The following HTR2A variants were observed in gnomAD, a reference collection of about 807,000 sequenced individuals.
The protein encoded by HTR2A is 5-HT2 receptor.
In HTR2A, 14 loss-of-function variants were observed where a neutral mutation model predicts 31.0. The ratio of observed to expected loss-of-function variants is 0.45; its 90% confidence interval spans 0.30 to 0.71. The LOEUF (loss-of-function observed/expected upper bound fraction) is 0.71. Ranked by LOEUF, HTR2A falls within the 30% of genes least tolerant of loss-of-function variation. HTR2A has a pLI of 0.09. For synonymous variants in HTR2A, 209 were observed against 225.2 expected (o/e 0.93, Z 0.64); for missense variants, 442 against 573.3 (o/e 0.77, Z 2.34).
Position 46,896,119 on chromosome 13 carries a change from G to C in HTR2A, c.-213C>G. The C allele has an allele frequency of 7.7e-7, 1 of 1,303,568 alleles. No homozygotes were observed. The allele number at this position is 1,303,568 out of a possible 1,614,324, so 80.8% of individuals were successfully genotyped here. ...AAGTTTTCTTCATTCACAATTTTAG[G>C]AGAGTCCACTGTTTGGTTTTATTAT... On this transcript the variant is annotated 5_prime_UTR_variant, in exon 2 of 4. Coordinates refer to ENST00000542664, the MANE Select transcript of HTR2A (RefSeq NM_000621.5).
intron 3 of HTR2A, among the ~76,000 whole-genome samples, chr13:46,892,049 A>G (rs752516455): frequency 2.0e-5 from 3 of 152,228 alleles, no homozygotes; most frequent in Non-Finnish European, 4.4e-5. Flanking sequence ...TCATAAGTTC[A>G]GTGATTATAA....
intron 3 of HTR2A, among the ~76,000 whole-genome samples, 161 bp downstream of exon 3, chr13:46,892,229 T>C (rs1206317807): frequency 6.6e-6 from 1 of 152,236 alleles, no homozygotes; most frequent in Non-Finnish European, 1.5e-5. Context: ...GATTTTTCTT[T>C]CCTGAAGCGA....
At chr13:46,836,246 T>G (rs1255427475) in intron 3 of HTR2A, among the ~76,000 whole-genome samples, 1 of 151,920 alleles carries the variant, frequency 6.6e-6, no homozygotes, top group East Asian at 1.9e-4. Flanking sequence ...AACTATAAAA[T>G]TTTAAATATA....
chr13:46,839,333 A>G (rs1353900019), intron 3 of HTR2A, among the ~76,000 whole-genome samples: 2 of 152,154 alleles, frequency 1.3e-5, no homozygotes, highest in East Asian at 1.9e-4. Flanking sequence ...TTAAAGTAAT[A>G]CTCTATAAAG....
At chr13:46,874,548 C>T (rs778195307) in intron 3 of HTR2A, among the ~76,000 whole-genome samples, 19 of 152,168 alleles carry the variant, frequency 1.2e-4, no homozygotes, top group Admixed American at 8.5e-4. Context: ...AAGTCAGGAA[C>T]ACTGATGCAT....
intron 3 of HTR2A, among the ~76,000 whole-genome samples, chr13:46,881,455 T>A (rs1316271758): frequency 6.6e-6 from 1 of 152,156 alleles, no homozygotes; most frequent in Admixed American, 6.5e-5. Flanking sequence ...TCTCTGGACC[T>A]CTGGGGAGGG....
chr13:46,896,617 A>T (rs2138261268), intron 1 of HTR2A, 57 bp downstream of exon 1: 1 of 1,313,776 alleles, frequency 7.6e-7, no homozygotes, highest in East Asian at 2.6e-5. Flanking sequence ...GCCAAGCATG[A>T]TTTCAAACCG....
Position 46,834,722 on chromosome 13 carries a change from T to A in HTR2A, c.*115A>T, listed in dbSNP as rs1167782898. On this transcript the variant is annotated 3_prime_UTR_variant, in exon 4 of 4. Transcript: ENST00000542664. ...CAGAATAAAATGAGGCATACAGATA[T>A]GATCGTTGGTTCCACTAGACTTGTC... 18 of 740,420 alleles carry A rather than the reference T, an allele frequency of 2.4e-5. No individual in the cohort carries two copies. Among genetic ancestry groups the A allele is most frequent in the Non-Finnish European group, 4.0e-5 (18 of 453,698 alleles). 45.9% of individuals were successfully genotyped at this position (740,420 alleles called of 1,614,324 possible).
chr13:46,834,731 G>C lies in HTR2A; in HGVS notation c.*106C>G. 1 of 823,622 alleles carries C rather than the reference G, an allele frequency of 1.2e-6. No individual in the cohort carries two copies. Among genetic ancestry groups the C allele is most frequent in the South Asian group, 1.8e-5 (1 of 55,980 alleles). 51.0% of individuals were successfully genotyped at this position (823,622 alleles called of 1,614,324 possible). On this transcript the variant is annotated 3_prime_UTR_variant, in exon 4 of 4. Transcript: ENST00000542664. ...ATGAGGCATACAGATATGATCGTTGGTTCCACTAGACTTGTCTAATTTTTT... is the reference window on the plus strand; with the variant it reads ...ATGAGGCATACAGATATGATCGTTGCTTCCACTAGACTTGTCTAATTTTTT...
intron 3 of HTR2A, among the ~76,000 whole-genome samples, chr13:46,872,007 G>A (rs1040439747): frequency 2.6e-5 from 4 of 152,044 alleles, no homozygotes; most frequent in Admixed American, 1.3e-4. Flanking sequence ...TTTAAATTCC[G>A]ACAAATATCT....
intron 3 of HTR2A, among the ~76,000 whole-genome samples, chr13:46,844,283 T>C (rs1361228580): frequency 6.6e-6 from 1 of 152,080 alleles, no homozygotes; most frequent in Admixed American, 6.5e-5. Context: ...GAGAGGAAAA[T>C]AAAAGAGAGA....
intron 3 of HTR2A, chr13:46,856,191 T>A (rs1950735953): frequency 6.6e-6 from 1 of 152,218 alleles, no homozygotes; most frequent in Non-Finnish European, 1.5e-5. Flanking sequence ...CAATTTAAAT[T>A]TCTAAAAATT....
intron 3 of HTR2A, among the ~76,000 whole-genome samples, chr13:46,889,461 A>C (rs531588361): frequency 1.6e-4 from 24 of 152,336 alleles, no homozygotes; most frequent in African/African-American, 5.8e-4. Flanking sequence ...AAAGACTTCA[A>C]GACTTAGGGA....
chr13:46,835,036 A>G lies in HTR2A; in HGVS notation c.1217T>C (p.Leu406Ser). 6.2e-7 allele frequency: 1 copy of G among 1,614,174 alleles called. No individual in the cohort carries two copies. The highest frequency in any genetic ancestry group is 1.3e-5 in the African/African-American group (1 of 75,050). Residue 406 changes from leucine (L) to serine (S), a missense_variant, in exon 4 of 4, where the codon TTG becomes TCG. Physicochemically the swap from Leu to Ser is moderately radical, Grantham distance 145. Around this residue, in one of 5 missense-constraint regions of HTR2A, gnomAD observed 88 missense variants for 83.1 expected, o/e 1.06. Coordinates refer to ENST00000542664, the MANE Select transcript of HTR2A (RefSeq NM_000621.5). ...TATTGTGTTCACTAAAATTAACTGC[A>G]ATGGTTTTTTGTTTTCCTTGTACTG... ...QCQYKENKKP[L>S]QLILVNTIPA...
chr13:46,858,542 A>C (rs1346203508), intron 3 of HTR2A, among the ~76,000 whole-genome samples: 1 of 152,236 alleles, frequency 6.6e-6, no homozygotes, highest in African/African-American at 2.4e-5. Context: ...TATTTTAGAC[A>C]GGCGAGAAAC....
At chr13:46,866,891 G>A (rs576570218) in intron 3 of HTR2A, among the ~76,000 whole-genome samples, 1 of 152,278 alleles carries the variant, frequency 6.6e-6, no homozygotes, top group Admixed American at 6.5e-5. Flanking sequence ...GCTGGGTGTG[G>A]TGGTGGGCGC....
chr13:46,896,033 G>T lies in HTR2A; in HGVS notation c.-127C>A. ...GCTGGTGTACATGCTGTTCTCCCGGGGCTGGATTTTTGTCTTCCATTATTA... is the reference window on the plus strand; with the variant it reads ...GCTGGTGTACATGCTGTTCTCCCGGTGCTGGATTTTTGTCTTCCATTATTA... On this transcript the variant is annotated 5_prime_UTR_variant, in exon 2 of 4. Coordinates refer to ENST00000542664, the MANE Select transcript of HTR2A (RefSeq NM_000621.5). 1 of 1,423,800 alleles carries T rather than the reference G, an allele frequency of 7.0e-7. No individual in the cohort carries two copies. The highest frequency in any genetic ancestry group is 9.1e-7 in the Non-Finnish European group (1 of 1,096,446). 88.2% of individuals were successfully genotyped at this position (1,423,800 alleles called of 1,614,324 possible).
chr13:46,835,187 C>T lies in HTR2A; in HGVS notation c.1066G>A (p.Asp356Asn). 1 of 1,614,020 alleles carries T rather than the reference C, an allele frequency of 6.2e-7. No individual in the cohort carries two copies. Among genetic ancestry groups the T allele is most frequent in the Non-Finnish European group, 8.5e-7 (1 of 1,179,936 alleles). ...AVICKESCNE[D>N]VIGALLNVFV... is the part of the protein sequence containing the mutation. ...ACATTGAGCAGGGCCCCAATGACAT[C>T]CTCATTGCAGGACTCTTTGCAGATG... The change falls in exon 4 of 4, where the codon GAT becomes AAT. Residue 356 changes from aspartate to asparagine, a missense_variant. Physicochemically the swap from Asp to Asn is conservative, Grantham distance 23. Coordinates refer to ENST00000542664, the MANE Select transcript of HTR2A (RefSeq NM_000621.5).
chr13:46,888,150 A>G (rs1410504046), intron 3 of HTR2A, among the ~76,000 whole-genome samples: 2 of 152,096 alleles, frequency 1.3e-5, no homozygotes, highest in Non-Finnish European at 2.9e-5. Context: ...AGCATACATG[A>G]GATTGGAGTC....
Sources: gnomAD v4.1 joint callset for allele counts (sites outside exome capture counted in the v4.1 genomes callset) on GRCh38, gnomAD v4.1.1 for gene constraint, gnomAD v4.1.1 regional missense constraint, MANE v1.5 for transcripts, NCBI Gene and HGNC (gene_info 2026-07-23, HGNC 2026-07-21) for gene names.